BBOF1: variants seen among roughly 807,000 people sequenced by gnomAD.
BBOF1 encodes basal body orientation factor 1.
BBOF1 carries 62 observed loss-of-function variants against 68.0 expected under a neutral mutation model. That is an observed-to-expected ratio of 0.91 (90% CI 0.74 to 1.13). The LOEUF (loss-of-function observed/expected upper bound fraction) is 1.13, where lower values mean the gene tolerates loss of function less well. BBOF1 is among the 50% of genes most tolerant of loss of function. The pLI is 0.00. For synonymous variants in BBOF1, 208 were observed against 198.8 expected, an observed-to-expected ratio of 1.05 and a Z score of -0.39; for missense variants, 534 against 600.1, an observed-to-expected ratio of 0.89 and a Z score of 1.15.
chr14:74,072,623 AAAC>A (rs758269654), intron 9 of BBOF1: 162 of 1,597,732 alleles, frequency 1.0e-4, no homozygotes, highest in East Asian at 5.6e-4. Context: ...TGAAAAAAAC[AAAC>A]AAACAAACAA....
intron 10 of BBOF1, among the ~76,000 whole-genome samples, chr14:74,080,368 C>CTTTTT (rs35450547): frequency 1.6e-5 from 2 of 128,992 alleles, no homozygotes; most frequent in Non-Finnish European, 3.2e-5. Flanking sequence ...TAAACTCTTT[C>CTTTTT]TTTTTTTTTT....
intron 11 of BBOF1, chr14:74,057,634 A>C: frequency 7.5e-7 from 1 of 1,332,060 alleles, no homozygotes; most frequent in Non-Finnish European, 9.8e-7. Flanking sequence ...GCTTATAAGG[A>C]GATATGAAAT....
chr14:74,024,141 G>C (rs2059371192), intron 2 of BBOF1, among the ~76,000 whole-genome samples: 1 of 152,096 alleles, frequency 6.6e-6, no homozygotes, highest in Non-Finnish European at 1.5e-5. Context: ...CTTGCCCAAA[G>C]TCACACCCCT....
intron 1 of BBOF1, among the ~76,000 whole-genome samples, chr14:74,021,489 C>G (rs1219680797): frequency 6.6e-6 from 1 of 151,634 alleles, no homozygotes; most frequent in Non-Finnish European, 1.5e-5. Flanking sequence ...ACTTAGGAGG[C>G]TGAGGTGGAG....
intron 2 of BBOF1, among the ~76,000 whole-genome samples, chr14:74,025,319 T>G (rs1411725297): frequency 6.6e-6 from 1 of 152,186 alleles, no homozygotes; most frequent in Non-Finnish European, 1.5e-5. Context: ...GGGTAATTTT[T>G]ATAATCATGG....
At chr14:74,059,333 A>G (rs1396147523) in intron 11 of BBOF1, 1 of 455,860 alleles carries the variant, frequency 2.2e-6, no homozygotes, top group Non-Finnish European at 4.4e-6. Flanking sequence ...TGTCTTACCC[A>G]TTTTCATGGT....
Position 74,065,249 on chromosome 14 carries a change from C to T in BBOF1, c.*550C>T, listed in dbSNP as rs72552258. The T allele has an allele frequency of 6.2e-7, 1 of 1,614,088 alleles. No homozygotes were observed. Among genetic ancestry groups the T allele is most frequent in the Non-Finnish European group, 8.5e-7 (1 of 1,180,008 alleles). ...CCATTGGTGGTGAAGATGGCAGTTCCATTTCCATATGGGTTGTTATTTACA... is the reference window on the plus strand; with the variant it reads ...CCATTGGTGGTGAAGATGGCAGTTCTATTTCCATATGGGTTGTTATTTACA... On this transcript the variant is annotated 3_prime_UTR_variant, in exon 12 of 12. Coordinates refer to ENST00000394009, the MANE Select transcript of BBOF1 (RefSeq NM_025057.3).
At chr14:74,036,834 T>C (rs959937775) in intron 4 of BBOF1, among the ~76,000 whole-genome samples, 6 of 152,150 alleles carry the variant, frequency 3.9e-5, no homozygotes, top group Non-Finnish European at 8.8e-5. Context: ...CCATACTTCC[T>C]TTAATTCACC....
chr14:74,079,723 C>T (rs575066333), intron 10 of BBOF1, among the ~76,000 whole-genome samples: 137 of 152,276 alleles, frequency 9.0e-4, no homozygotes, highest in Non-Finnish European at 1.3e-3. Flanking sequence ...TGAGCCACTG[C>T]GCCTGGCCTA....
At chr14:74,064,601 T>A in intron 11 of BBOF1, 87 bp from the exon 12 acceptor site, 1 of 1,306,722 alleles carries the variant, frequency 7.7e-7, no homozygotes, top group South Asian at 1.2e-5. Context: ...GACTTCCCCA[T>A]GCTCTTTCCT....
At chr14:74,066,862 C>T (rs755705622), downstream of BBOF1, 2 of 1,613,830 alleles carry the variant, frequency 1.2e-6, no homozygotes, top group African/African-American at 2.7e-5. Context: ...GATCAGAGGG[C>T]CAAGATCAGC....
At chr14:74,053,372 A>G (rs977422318) in intron 8 of BBOF1, among the ~76,000 whole-genome samples, 44 of 151,604 alleles carry the variant, frequency 2.9e-4, no homozygotes, top group Non-Finnish European at 5.4e-4. Context: ...CGGCCTCCCA[A>G]AGTGCTGGGA....
chr14:74,056,816 T>A (rs2060221339), intron 9 of BBOF1, 90 bp from the exon 10 acceptor site: 3 of 856,704 alleles, frequency 3.5e-6, no homozygotes, highest in Non-Finnish European at 5.5e-6. Flanking sequence ...AAATAAAAAA[T>A]AAAAAAAAAT....
intron 6 of BBOF1, 99 bp from the exon 7 acceptor site, chr14:74,047,831 T>C: frequency 1.0e-6 from 1 of 1,004,770 alleles, no homozygotes; most frequent in Non-Finnish European, 1.4e-6. Flanking sequence ...GTAGTCACTA[T>C]TGATAATATT....
chr14:74,074,667 T>C (rs1481891923), intron 9 of BBOF1, among the ~76,000 whole-genome samples: 1 of 152,160 alleles, frequency 6.6e-6, no homozygotes, highest in Non-Finnish European at 1.5e-5. Flanking sequence ...ATTTATTAGA[T>C]TTTAGATGCT....
chr14:74,032,911 C>T (rs1186874336), intron 3 of BBOF1, among the ~76,000 whole-genome samples: 1 of 151,960 alleles, frequency 6.6e-6, no homozygotes, highest in Non-Finnish European at 1.5e-5. Flanking sequence ...TTCTTCCCCC[C>T]TTCCTTTTCT....
chr14:74,060,043 G>A (rs113031892), intron 11 of BBOF1: 3 of 155,612 alleles, frequency 1.9e-5, no homozygotes, highest in Non-Finnish European at 4.3e-5. Context: ...GTGGCATTTA[G>A]GTAGCGCTAT....
rs2060444299 is a variant in BBOF1, at chr14:74,065,354, T to C, written c.*655T>C. ...AAAATCTCCTCTTTGTAACAGGTCA[T>C]ATTTGGCTGCCAGGAGTGATGCATC... On this transcript the variant is annotated 3_prime_UTR_variant, in exon 12 of 12. Transcript: ENST00000394009. 1 of 1,613,910 alleles carries C rather than the reference T, an allele frequency of 6.2e-7. No individual in the cohort carries two copies. The highest frequency in any genetic ancestry group is 1.3e-5 in the African/African-American group (1 of 74,942).
Position 74,077,908 on chromosome 14 carries a change from T to A in BBOF1, n.1380-288T>A, listed in dbSNP as rs551251684. The stretch of plus-strand genomic sequence containing the variant: ...TCAGGACTGTCCAGTTATAGAAAAG[T>A]AGTTAGCACAAAGCTGGTACTCATT... On this transcript the variant is annotated intron_variant and non_coding_transcript_variant, in intron 9 of 12. Transcript: ENST00000492026. Among the ~76,000 whole-genome samples, 7 of 152,282 alleles carry A rather than the reference T, an allele frequency of 4.6e-5. No individual in the cohort carries two copies. In the South Asian group the frequency reaches 1.5e-3, roughly 32 times the overall value.
Sources: allele counts gnomAD v4.1 joint callset (sites outside exome capture counted in the v4.1 genomes callset), GRCh38; gene constraint gnomAD v4.1.1; transcripts MANE v1.5; gene names NCBI Gene and HGNC (gene_info 2026-07-23, HGNC 2026-07-21).